The following PRKCI variants were observed in gnomAD, a reference collection of about 807,000 sequenced individuals.
The protein encoded by PRKCI is protein kinase C iota.
PRKCI carries 43 observed loss-of-function variants against 84.0 expected under a neutral mutation model. The observed-to-expected ratio is 0.51, with a 90% CI of 0.40 to 0.66. The LOEUF (loss-of-function observed/expected upper bound fraction) is 0.66. PRKCI is among the 30% of genes least tolerant of loss of function. PRKCI has a pLI of 0.00. For missense variants in PRKCI, 459 were observed against 745.6 expected, an observed-to-expected ratio of 0.62 and a Z score of 4.48; for synonymous variants, 216 against 234.4, an observed-to-expected ratio of 0.92 and a Z score of 0.72.
At chr3:170,270,837 AAG>A (rs1359036185) in intron 6 of PRKCI, among the ~76,000 whole-genome samples, 2 of 152,110 alleles carry the variant, frequency 1.3e-5, no homozygotes, top group African/African-American at 4.8e-5. Flanking sequence ...AGAACCATTT[AAG>A]AGTTTTTTCC....
intron 1 of PRKCI, among the ~76,000 whole-genome samples, chr3:170,230,927 G>A (rs1463364435): frequency 1.3e-5 from 2 of 150,818 alleles, no homozygotes; most frequent in Non-Finnish European, 3.0e-5. Context: ...TATATGTTAT[G>A]GAATGGCTTG....
chr3:170,271,629 A>C (rs1734008459), intron 6 of PRKCI, among the ~76,000 whole-genome samples: 1 of 151,994 alleles, frequency 6.6e-6, no homozygotes, highest in African/African-American at 2.4e-5. Flanking sequence ...TTTGTCATTT[A>C]CACTGTTGTA....
At chr3:170,281,368 A>T in intron 10 of PRKCI, 105 bp downstream of exon 10, 3 of 856,286 alleles carry the variant, frequency 3.5e-6, no homozygotes, top group East Asian at 5.2e-5. Flanking sequence ...ATCATGGAGG[A>T]TGCAACAGTG....
chr3:170,296,803 A>G (rs780038592), intron 15 of PRKCI, among the ~76,000 whole-genome samples: 1 of 152,214 alleles, frequency 6.6e-6, no homozygotes, highest in South Asian at 2.1e-4. Context: ...ATTCTCATTC[A>G]TAGTGATGAA....
chr3:170,222,620 G>T lies in PRKCI; in HGVS notation c.-50G>T. The T allele has an allele frequency of 1.4e-6, 2 of 1,480,684 alleles. No individual in the cohort carries two copies. The highest frequency in any genetic ancestry group is 1.8e-6 in the Non-Finnish European group (2 of 1,105,092). The allele number at this position is 1,480,684 out of a possible 1,614,324, so 91.7% of individuals were successfully genotyped here. The stretch of plus-strand genomic sequence containing the variant: ...GGCGGAGTCCCCCACGGCGCCCGAA[G>T]CGCCCCCCCGCACCCCCGGCCTCCA... On this transcript the variant is annotated 5_prime_UTR_variant, in exon 1 of 18. Coordinates refer to ENST00000295797, the MANE Select transcript of PRKCI (RefSeq NM_002740.6).
At chr3:170,267,613 C>T (rs908203969) in intron 4 of PRKCI, among the ~76,000 whole-genome samples, 1 of 143,072 alleles carries the variant, frequency 7.0e-6, no homozygotes, top group Non-Finnish European at 1.5e-5. Flanking sequence ...GTGGAGGTTG[C>T]AGTGAGCTGA....
chr3:170,236,284 AG>A (rs527311910), intron 2 of PRKCI, among the ~76,000 whole-genome samples: 2 of 151,098 alleles, frequency 1.3e-5, no homozygotes, highest in Admixed American at 1.3e-4. Context: ...TATTTGTAGT[AG>A]AGACGGGGTT....
chr3:170,228,905 A>G (rs1165142137), intron 1 of PRKCI, among the ~76,000 whole-genome samples: 2 of 151,998 alleles, frequency 1.3e-5, no homozygotes, highest in African/African-American at 4.8e-5. Flanking sequence ...TCCAATGTCT[A>G]CTATTCCCTC....
Position 170,268,479 on chromosome 3 carries a change from C to CAAAAAA in PRKCI, c.450+491_450+496dup, listed in dbSNP as rs77046182. On this transcript the variant is annotated intron_variant, in intron 5 of 17. Transcript: ENST00000295797. Reference sequence around the variant, plus strand: ...TGGGCAATGGAGCAAGACTCAGTTTCAAAAAAAAAAAAAAAAAGCTCCAGA... The same window carrying CAAAAAA: ...TGGGCAATGGAGCAAGACTCAGTTTCAAAAAAAAAAAAAAAAAAAAAAAGCTCCAGA... Among the ~76,000 whole-genome samples the CAAAAAA allele has an allele frequency of 5.3e-3, 351 of 66,692 alleles. 5 individuals are homozygous for CAAAAAA. The highest frequency in any genetic ancestry group is 0.016 in the African/African-American group (338 of 21,626). The allele number at this position is 66,692 out of a possible 152,430, so 43.8% of individuals were successfully genotyped here. A position where few individuals can be genotyped will look rare whatever the true frequency, so the allele number is the denominator to read the frequency against.
chr3:170,264,441 G>C (rs1389966086), intron 4 of PRKCI, among the ~76,000 whole-genome samples: 3 of 151,984 alleles, frequency 2.0e-5, no homozygotes, highest in African/African-American at 4.8e-5. Flanking sequence ...ACCATGCTCA[G>C]CTTATTTTTG....
In PRKCI at chr3:170,244,474, T is replaced by G. The variant is rs578139636; in HGVS notation, c.223+9123T>G. 2.2e-4 allele frequency among the ~76,000 whole-genome samples: 34 copies of G among 152,178 alleles called. 1 individual carries two copies. In the South Asian group the frequency reaches 4.2e-3, roughly 19 times the overall value. The stretch of plus-strand genomic sequence containing the variant: ...CTGGACCCGGCTTGGAAGCTCTGTG[T>G]CCCCCCGTACCTTGTCCCATTACCT... On this transcript the variant is annotated intron_variant, in intron 2 of 17. Coordinates refer to ENST00000295797, the MANE Select transcript of PRKCI (RefSeq NM_002740.6).
intron 8 of PRKCI, among the ~76,000 whole-genome samples, chr3:170,279,101 C>T (rs1279161949): frequency 6.6e-6 from 1 of 152,190 alleles, no homozygotes; most frequent in Non-Finnish European, 1.5e-5. Flanking sequence ...AATCACAGCT[C>T]ACTGCAACCT....
At chr3:170,227,703 C>T (rs1298125803) in intron 1 of PRKCI, among the ~76,000 whole-genome samples, 1 of 152,192 alleles carries the variant, frequency 6.6e-6, no homozygotes, top group Admixed American at 6.5e-5. Context: ...AGAAAGTTCA[C>T]AGGGGCTAGA....
chr3:170,298,890 C>T lies in PRKCI; in HGVS notation c.1588-105C>T, dbSNP rs2108868282. The T allele has an allele frequency of 3.5e-5, 25 of 723,564 alleles. No individual in the cohort carries two copies. In the South Asian group the frequency reaches 4.0e-4, roughly 12 times the overall value. The allele number at this position is 723,564 out of a possible 1,614,324, so 44.8% of individuals were successfully genotyped here. A position where few individuals can be genotyped will look rare whatever the true frequency, so the allele number is the denominator to read the frequency against. ...TTGCTAATATCATTGAACCATGCTT[C>T]AGGACTCACTTTAATAAGGTAAACA... On this transcript the variant is annotated intron_variant, in intron 16 of 17. Transcript: ENST00000295797.
Position 170,303,407 on chromosome 3 carries a change from T to TA in PRKCI, c.*294dup, listed in dbSNP as rs199720571. ...GAGTAATGAAGTTATCTTTTTTGTT[T>TA]AAAAAAAAAAAAAACACTGCATTAA... is the stretch of plus-strand genomic sequence containing the variant. On this transcript the variant is annotated 3_prime_UTR_variant, in exon 18 of 18. Transcript: ENST00000295797. 0.41 allele frequency: 95,239 copies of TA among 234,270 alleles called. 14,235 individuals are homozygous for TA. The highest frequency in any genetic ancestry group is 0.48 in the African/African-American group (20,958 of 44,050). The allele number at this position is 234,270 out of a possible 1,614,324, so 14.5% of individuals were successfully genotyped here.
chr3:170,289,376 G>A (rs774844672), intron 12 of PRKCI, among the ~76,000 whole-genome samples: 2 of 152,238 alleles, frequency 1.3e-5, no homozygotes, highest in Non-Finnish European at 2.9e-5. Flanking sequence ...ATATAACAGG[G>A]TGAAATTTGA....
Position 170,222,705 on chromosome 3 carries a change from C to CA in PRKCI, c.37dup (p.Thr13AsnfsTer30). On this transcript the variant is annotated frameshift_variant, in exon 1 of 18. Transcript: ENST00000295797. LOFTEE classifies it high-confidence loss of function. Reference sequence around the variant, plus strand: ...AGAGGGACAGCAGCACCATGTCCCACACGGTCGCAGGCGGCGGCAGCGGGG... The same window carrying CA: ...AGAGGGACAGCAGCACCATGTCCCACAACGGTCGCAGGCGGCGGCAGCGGGG... The CA allele has an allele frequency of 6.2e-7, 1 of 1,609,920 alleles. No homozygotes were observed.
rs1734915324 is a variant in PRKCI at position 170,304,777 on chromosome 3, TAAAAAG to T, written c.*1651_*1656del. On this transcript the variant is annotated 3_prime_UTR_variant, in exon 18 of 18. Coordinates refer to ENST00000295797, the MANE Select transcript of PRKCI (RefSeq NM_002740.6). Reference sequence around the variant, plus strand: ...AATATATTTTTAATGAAAAGGGACTTAAAAAGTAAACATGATTATCTAAATTACTTA... The same window carrying T: ...AATATATTTTTAATGAAAAGGGACTTTAAACATGATTATCTAAATTACTTA... 6.6e-6 allele frequency: 1 copy of T among 151,816 alleles called. No homozygotes were observed. The highest frequency in any genetic ancestry group is 1.5e-5 in the Non-Finnish European group (1 of 67,998). The allele number at this position is 151,816 out of a possible 1,614,324, so 9.4% of individuals were successfully genotyped here. A position where few individuals can be genotyped will look rare whatever the true frequency, so the allele number is the denominator to read the frequency against.
At chr3:170,238,838 G>A (rs912133624) in intron 2 of PRKCI, among the ~76,000 whole-genome samples, 63 of 152,130 alleles carry the variant, frequency 4.1e-4, no homozygotes, top group African/African-American at 5.3e-4. Flanking sequence ...TGATCCACCC[G>A]CCTTGGCCTC....
Sources: allele counts gnomAD v4.1 joint callset (sites outside exome capture counted in the v4.1 genomes callset), GRCh38; gene constraint gnomAD v4.1.1; transcripts MANE v1.5; gene names NCBI Gene and HGNC (gene_info 2026-07-23, HGNC 2026-07-21).